DOCK5: variants seen among roughly 807,000 people sequenced by gnomAD.
DOCK5 encodes dedicator of cytokinesis 5.
In DOCK5, 142 loss-of-function variants were observed where a neutral mutation model predicts 251.8. The observed-to-expected ratio is 0.56, with a 90% CI of 0.49 to 0.65. The LOEUF (loss-of-function observed/expected upper bound fraction) is 0.65. DOCK5 is among the 30% of genes least tolerant of loss of function. DOCK5 has a pLI of 0.00. For synonymous variants in DOCK5, 842 were observed against 835.5 expected (o/e 1.01, Z -0.13); for missense variants, 2,111 against 2,312.3 (o/e 0.91, Z 1.79).
At chr8:25,375,719 A>G (rs2117292591) in intron 37 of DOCK5, 1 of 985,012 alleles carries the variant, frequency 1.0e-6, no homozygotes. Flanking sequence ...GTCCGAACAT[A>G]TGAGTTAAAA....
chr8:25,252,030 T>C lies in DOCK5; in HGVS notation c.127+8273T>C, dbSNP rs569081016. The stretch of plus-strand genomic sequence containing the variant: ...AAAAGAGTGCTTTTAAAAGATTTTT[T>C]TCAAACAGAGGCTTAATCATCATCC... On this transcript the variant is annotated intron_variant, in intron 2 of 51. Coordinates refer to ENST00000276440, the MANE Select transcript of DOCK5 (RefSeq NM_024940.8). Among the ~76,000 whole-genome samples, 66 of 152,262 alleles carry C rather than the reference T, an allele frequency of 4.3e-4. 1 individual carries two copies. Among genetic ancestry groups the C allele is most frequent in the African/African-American group, 1.6e-3 (66 of 41,554 alleles).
chr8:25,227,867 T>C (rs549293627), intron 1 of DOCK5, among the ~76,000 whole-genome samples: 2 of 152,316 alleles, frequency 1.3e-5, no homozygotes, highest in East Asian at 3.9e-4. Flanking sequence ...GATGTTTTTC[T>C]GTGCTTTTGT....
At chr8:25,399,582 C>T (rs562559075) in intron 45 of DOCK5, among the ~76,000 whole-genome samples, 23 of 152,278 alleles carry the variant, frequency 1.5e-4, no homozygotes, top group African/African-American at 5.3e-4. Flanking sequence ...ATTGCCATTT[C>T]GCCTTTGCTT....
intron 5 of DOCK5, among the ~76,000 whole-genome samples, chr8:25,286,549 G>A (rs1031256484): frequency 1.3e-5 from 2 of 152,184 alleles, no homozygotes; most frequent in Non-Finnish European, 2.9e-5. Flanking sequence ...CATAAAATCT[G>A]CATGGAAGAG....
At chr8:25,268,012 A>G (rs915221742) in intron 2 of DOCK5, among the ~76,000 whole-genome samples, 4 of 152,060 alleles carry the variant, frequency 2.6e-5, no homozygotes, top group South Asian at 2.1e-4. Context: ...ACAGGGGCAC[A>G]CCACCACACC....
chr8:25,189,984 T>TC (rs753065094), intron 1 of DOCK5, among the ~76,000 whole-genome samples: 9 of 152,210 alleles, frequency 5.9e-5, no homozygotes, highest in Admixed American at 3.3e-4. Context: ...CCTCCTGGGT[T>TC]CAAGCGATTC....
Position 25,391,935 on chromosome 8 carries a change from C to A in DOCK5, c.4395C>A (p.Ser1465=), listed in dbSNP as rs1485799542. 1.9e-6 allele frequency: 3 copies of A among 1,613,854 alleles called. No individual in the cohort carries two copies. Among genetic ancestry groups the A allele is most frequent in the Non-Finnish European group, 2.5e-6 (3 of 1,179,838 alleles). Residue 1465 remains serine, a synonymous_variant, in exon 43 of 52, where the codon TCC becomes TCA. Transcript: ENST00000276440. ...RANEVQQFRY[S]RPFRKGEKDP... ...ATGAAGTGCAGCAGTTCAGATACTC[C>A]CGGCCGTTCCGGAAAGGAGAAAAGG...
At chr8:25,222,046 C>T (rs1049369873) in intron 1 of DOCK5, among the ~76,000 whole-genome samples, 5 of 152,118 alleles carry the variant, frequency 3.3e-5, no homozygotes, top group African/African-American at 1.2e-4. Context: ...TAAGAGAGAG[C>T]ATTGCTTTTT....
At chr8:25,217,641 T>C (rs1802283289) in intron 1 of DOCK5, among the ~76,000 whole-genome samples, 1 of 152,144 alleles carries the variant, frequency 6.6e-6, no homozygotes, top group African/African-American at 2.4e-5. Flanking sequence ...TGGAGAACAA[T>C]GTGTCAAAGT....
chr8:25,325,977 C>G (rs140699216), intron 18 of DOCK5, among the ~76,000 whole-genome samples: 2 of 151,900 alleles, frequency 1.3e-5, no homozygotes, highest in Non-Finnish European at 2.9e-5. Context: ...TGAGTTCTGT[C>G]CTTCCCTCCT....
intron 13 of DOCK5, among the ~76,000 whole-genome samples, chr8:25,312,780 A>AAT (rs1554480351): frequency 1.5e-4 from 23 of 151,052 alleles, no homozygotes; most frequent in African/African-American, 5.6e-4. Context: ...AAAAAAAAAA[A>AAT]TTAGCTGGGA....
At chr8:25,325,617 C>T (rs2117207508) in intron 18 of DOCK5, 70 bp downstream of exon 18, 1 of 1,568,082 alleles carries the variant, frequency 6.4e-7, no homozygotes, top group Non-Finnish European at 8.7e-7. Flanking sequence ...TGGTTAGGCT[C>T]ACAGGGCTGG....
intron 5 of DOCK5, among the ~76,000 whole-genome samples, chr8:25,290,654 C>T (rs1804461727): frequency 6.6e-6 from 1 of 151,698 alleles, no homozygotes; most frequent in Non-Finnish European, 1.5e-5. Flanking sequence ...AATTATTTCT[C>T]CATTCATAAT....
chr8:25,406,427 A>G (rs947207980), intron 48 of DOCK5, among the ~76,000 whole-genome samples: 3 of 152,226 alleles, frequency 2.0e-5, no homozygotes, highest in African/African-American at 7.2e-5. Flanking sequence ...ATTCCATAAT[A>G]CAATAATTAC....
At chr8:25,359,680 C>T (rs985865084) in intron 28 of DOCK5, among the ~76,000 whole-genome samples, 1 of 152,232 alleles carries the variant, frequency 6.6e-6, no homozygotes, top group African/African-American at 2.4e-5. Flanking sequence ...GTGAATCTCA[C>T]TAATGCCTGA....
intron 6 of DOCK5, among the ~76,000 whole-genome samples, chr8:25,292,885 C>T (rs552096953): frequency 6.6e-6 from 1 of 152,222 alleles, no homozygotes; most frequent in Non-Finnish European, 1.5e-5. Flanking sequence ...TCATCTCCCC[C>T]TAACCGGGAC....
chr8:25,246,347 C>G (rs1452669200), intron 2 of DOCK5, among the ~76,000 whole-genome samples: 1 of 152,180 alleles, frequency 6.6e-6, no homozygotes, highest in East Asian at 1.9e-4. Context: ...AATCTTGGCT[C>G]ACTGTGATCT....
chr8:25,408,768 GTGAAAA>G (rs762643564), intron 49 of DOCK5, 28 bp from the exon 50 acceptor site: 39 of 1,611,324 alleles, frequency 2.4e-5, no homozygotes, highest in Non-Finnish European at 3.1e-5. Flanking sequence ...CTTCCTCACC[GTGAAAA>G]TGTTTTGCTT....
chr8:25,415,281 T>C lies in DOCK5; in HGVS notation c.*3983T>C, dbSNP rs1173595037. The stretch of plus-strand genomic sequence containing the variant: ...AGCCTGGCCCACTGTATCTAGACTT[T>C]AGGTTCATTTTAATAATTATGCTTT... On this transcript the variant is annotated 3_prime_UTR_variant, in exon 52 of 52. Transcript: ENST00000276440. 6.6e-6 allele frequency: 1 copy of C among 152,222 alleles called. No homozygotes were observed. The highest frequency in any genetic ancestry group is 1.5e-5 in the Non-Finnish European group (1 of 68,042). 9.4% of individuals were successfully genotyped at this position (152,222 alleles called of 1,614,324 possible).
Sources: gnomAD v4.1 joint callset for allele counts (sites outside exome capture counted in the v4.1 genomes callset) on GRCh38, gnomAD v4.1.1 for gene constraint, MANE v1.5 for transcripts, NCBI Gene and HGNC (gene_info 2026-07-23, HGNC 2026-07-21) for gene names.